ZNF229: variants seen among roughly 807,000 people sequenced by gnomAD.
ZNF229 encodes the protein zinc finger protein 229.
In ZNF229, 10 loss-of-function variants were observed where a neutral mutation model predicts 11.8. The ratio of observed to expected loss-of-function variants is 0.85; its 90% CI spans 0.52 to 1.44. ZNF229 has a LOEUF of 1.44. ZNF229 is among the 40% of genes most tolerant of loss of function. The probability of loss-of-function intolerance (pLI) is 0.00; values close to 1 mark genes in which losing one functional copy is unlikely to be tolerated. For missense variants in ZNF229, 1,045 were observed against 1,015.1 expected (o/e 1.03, Z -0.40); for synonymous variants, 368 against 374.8 (o/e 0.98, Z 0.21).
rs768299378 is a variant in ZNF229, at chr19:44,429,605, C to T, written c.1176G>A (p.Leu392=). The change falls in exon 6 of 6, where the codon CTG becomes CTA. Residue 392 remains leucine, a synonymous_variant. Transcript: ENST00000614049. Reference sequence around the variant, plus strand: ...CAGTGTGGACCCTCTGATGGACAAGCAGGTTTGAACTTCGACCAAATGCCT... The same window carrying T: ...CAGTGTGGACCCTCTGATGGACAAGTAGGTTTGAACTTCGACCAAATGCCT... ...CGKAFGRSSN[L]LVHQRVHTGE... The T allele has an allele frequency of 6.2e-7, 1 of 1,613,800 alleles. No individual in the cohort carries two copies. The highest frequency in any genetic ancestry group is 1.3e-5 in the African/African-American group (1 of 74,790).
At position 44,428,415 on chromosome 19, in the gene ZNF229, ACT is replaced by A. The variant is rs766433944; in HGVS notation, c.2364_2365del (p.Arg788SerfsTer37). 2.6e-5 allele frequency: 42 copies of A among 1,613,934 alleles called. No homozygotes were observed. In the Admixed American group the frequency reaches 4.5e-4, roughly 17 times the overall value. On this transcript the variant is annotated frameshift_variant, in exon 6 of 6. Coordinates refer to ENST00000614049, the MANE Select transcript of ZNF229 (RefSeq NM_014518.4). LOFTEE classifies it low-confidence loss of function (END_TRUNC). ...CGTATAGGGCTTCTCTCCAGTGTGG[ACT>A]CTCTGATGAACATGAAGACAGGAGT...
At position 44,438,345 on chromosome 19, in the gene ZNF229, A is replaced by C. The variant is rs540436671; in HGVS notation, c.93+4218T>G. 1.4e-4 allele frequency among the ~76,000 whole-genome samples: 22 copies of C among 152,378 alleles called. No individual in the cohort carries two copies. In the South Asian group the frequency reaches 3.1e-3, roughly 22 times the overall value. On this transcript the variant is annotated intron_variant, in intron 4 of 5. Transcript: ENST00000614049. ...CAAAATAAAATGGGGCATCTTTGCC[A>C]CATATCCTCCATCAGATGAGCAAAA...
At chr19:44,444,532 G>A (rs1010098306) in intron 2 of ZNF229, among the ~76,000 whole-genome samples, 2 of 152,128 alleles carry the variant, frequency 1.3e-5, no homozygotes, top group African/African-American at 4.8e-5. Flanking sequence ...GTAGAGGCCA[G>A]ATCTGAAACA....
At chr19:44,430,699 T>C (rs564159465) in intron 5 of ZNF229, among the ~76,000 whole-genome samples, 157 bp from the exon 6 acceptor site, 2 of 152,296 alleles carry the variant, frequency 1.3e-5, no homozygotes, top group African/African-American at 4.8e-5. Context: ...AGGAGGCTCC[T>C]ATTAATAAGT....
At chr19:44,436,265 C>G (rs1416655377) in intron 4 of ZNF229, among the ~76,000 whole-genome samples, 1 of 150,984 alleles carries the variant, frequency 6.6e-6, no homozygotes, top group Non-Finnish European at 1.5e-5. Flanking sequence ...CCCAGCTGTT[C>G]GGGAGGCTGA....
At chr19:44,432,702 AGT>A in intron 4 of ZNF229, among the ~76,000 whole-genome samples, 10 of 146,650 alleles carry the variant, frequency 6.8e-5, no homozygotes, top group African/African-American at 2.5e-4. Context: ...GGGTGGGGGG[AGT>A]GGGGAGGGAT....
Position 44,429,020 on chromosome 19 carries a change from A to G in ZNF229, c.1761T>C (p.Leu587=). 1.2e-6 allele frequency: 2 copies of G among 1,611,274 alleles called. No homozygotes were observed. The highest frequency in any genetic ancestry group is 1.7e-6 in the Non-Finnish European group (2 of 1,179,144). ...CCGTGTGGACCCTCTGGTGGCTGTG[A>G]AGGTCTGAATTCCGCCGGAAGCCCT... ...CGKGFRRNSD[L]HSHQRVHTGE... The change falls in exon 6 of 6, where the codon CTT becomes CTC. Residue 587 remains leucine, a synonymous_variant. Coordinates refer to ENST00000614049, the MANE Select transcript of ZNF229 (RefSeq NM_014518.4).
chr19:44,429,535 A>C lies in ZNF229; in HGVS notation c.1246T>G (p.Tyr416Asp). 1 of 1,611,540 alleles carries C rather than the reference A, an allele frequency of 6.2e-7. No homozygotes were observed. Among genetic ancestry groups the C allele is most frequent in the African/African-American group, 1.3e-5 (1 of 74,642 alleles). Reference sequence around the variant, plus strand: ...TGATGGACTTGAAGCACTGAGCTGTAACTGAAGCCCTTCCCACACTCGCTG... The same window carrying C: ...TGATGGACTTGAAGCACTGAGCTGTCACTGAAGCCCTTCCCACACTCGCTG... ...KCSECGKGFS[Y>D]SSVLQVHQRL... Residue 416 changes from tyrosine to aspartate, a missense_variant, in exon 6 of 6, where the codon TAC becomes GAC. By Grantham distance (160) the Tyr-to-Asp change is radical. Transcript: ENST00000614049.
intron 4 of ZNF229, among the ~76,000 whole-genome samples, chr19:44,437,047 A>G (rs776040777): frequency 5.3e-5 from 8 of 152,116 alleles, no homozygotes; most frequent in Non-Finnish European, 1.0e-4. Context: ...TAACATTTTC[A>G]TAACTGGCTA....
intron 3 of ZNF229, 23 bp from the exon 4 acceptor site, chr19:44,442,644 T>G (rs771590243): frequency 6.2e-7 from 1 of 1,613,664 alleles, no homozygotes; most frequent in African/African-American, 1.3e-5. Context: ...AAAGAGGCCA[T>G]GAGGAGGAGT....
intron 4 of ZNF229, among the ~76,000 whole-genome samples, chr19:44,436,278 T>C (rs1255856357): frequency 3.3e-5 from 5 of 151,808 alleles, no homozygotes; most frequent in Non-Finnish European, 7.4e-5. Context: ...GAGGCTGAGG[T>C]GGAAGCCTGG....
chr19:44,433,417 A>G (rs964516024), intron 4 of ZNF229, among the ~76,000 whole-genome samples: 1 of 152,052 alleles, frequency 6.6e-6, no homozygotes, highest in African/African-American at 2.4e-5. Flanking sequence ...GCTGAACTGT[A>G]ATCCCCAGTA....
chr19:44,435,895 C>A (rs943824446), intron 4 of ZNF229, among the ~76,000 whole-genome samples: 3 of 152,180 alleles, frequency 2.0e-5, no homozygotes, highest in Non-Finnish European at 4.4e-5. Context: ...GTGAAGTAGG[C>A]GGTGGCCAGA....
At position 44,442,635 on chromosome 19, in the gene ZNF229, A is replaced by G. The variant is rs745767451; in HGVS notation, c.35-14T>C. 1.2e-6 allele frequency: 2 copies of G among 1,613,970 alleles called. No homozygotes were observed. The highest frequency in any genetic ancestry group is 1.7e-6 in the Non-Finnish European group (2 of 1,179,996). The stretch of plus-strand genomic sequence containing the variant: ...GAGAATGAAGAGCTGTAGGAGGAGA[A>G]AGAGGCCATGAGGAGGAGTTGGTGC... On this transcript the variant is annotated splice_polypyrimidine_tract_variant and intron_variant, in intron 3 of 5. Coordinates refer to ENST00000614049, the MANE Select transcript of ZNF229 (RefSeq NM_014518.4).
At chr19:44,435,701 C>T (rs570367821) in intron 4 of ZNF229, among the ~76,000 whole-genome samples, 153 of 152,246 alleles carry the variant, frequency 1.0e-3, no homozygotes, top group Non-Finnish European at 1.9e-3. Context: ...TTATCAGAAG[C>T]AATGTTTACA....
rs770024598 is a variant in ZNF229, at chr19:44,428,709, T to C, written c.2072A>G (p.Lys691Arg). 5.0e-6 allele frequency: 8 copies of C among 1,613,920 alleles called. No individual in the cohort carries two copies. The highest frequency in any genetic ancestry group is 5.9e-6 in the Non-Finnish European group (7 of 1,179,978). ...AAGATTAGAGCCATAACTGAATCCC[T>C]TGCCACACTGATCACACGTATAGGG... The part of the protein sequence containing the change: ...KKPYTCDQCG[K>R]GFSYGSNLRT... Residue 691 changes from lysine to arginine, a missense_variant, in exon 6 of 6, where the codon AAG (lysine) becomes AGG (arginine). By Grantham distance (26) the Lys-to-Arg change is conservative (BLOSUM62 2). Transcript: ENST00000614049.
rs1002987327 is a variant in ZNF229, at chr19:44,428,156, G to T, written c.*147C>A. 4.7e-6 allele frequency: 4 copies of T among 854,782 alleles called. No homozygotes were observed. The African/African-American group carries it at 5.1e-5, about 11-fold the overall frequency. The allele number at this position is 854,782 out of a possible 1,614,324, so 52.9% of individuals were successfully genotyped here. ...TAACCTATTTATCACACATCCAGGT[G>T]TTCCCTTCCTATGCAGACTAGAAAA... On this transcript the variant is annotated 3_prime_UTR_variant, in exon 6 of 6. Coordinates refer to ENST00000614049, the MANE Select transcript of ZNF229 (RefSeq NM_014518.4).
intron 5 of ZNF229, 138 bp downstream of exon 5, chr19:44,432,084 T>C: frequency 7.0e-7 from 1 of 1,428,514 alleles, no homozygotes; most frequent in Non-Finnish European, 9.2e-7. Flanking sequence ...CTGTTGTTTA[T>C]ATGCCACTCA....
intron 5 of ZNF229, among the ~76,000 whole-genome samples, chr19:44,431,610 G>A (rs1023461952): frequency 1.3e-5 from 2 of 152,166 alleles, no homozygotes; most frequent in Non-Finnish European, 2.9e-5. Flanking sequence ...GGAACTGAAC[G>A]GAAGAAATGA....
Sources: allele counts gnomAD v4.1 joint callset (sites outside exome capture counted in the v4.1 genomes callset), GRCh38; gene constraint gnomAD v4.1.1; transcripts MANE v1.5; gene names NCBI Gene and HGNC (gene_info 2026-07-23, HGNC 2026-07-21).